PAM: variants seen among roughly 807,000 people sequenced by gnomAD.
The protein encoded by PAM is peptidyl-glycine alpha-amidating monooxygenase.
In PAM, 72 loss-of-function variants were observed where a neutral mutation model predicts 122.1. That is an observed-to-expected ratio of 0.59 (90% CI 0.49 to 0.72). PAM has a LOEUF of 0.72. PAM is among the 30% of genes least tolerant of loss of function. The pLI is 0.00. For missense variants in PAM, 1,106 were observed against 1,183.7 expected, an observed-to-expected ratio of 0.93 and a Z score of 0.96; for synonymous variants, 389 against 404.4, an observed-to-expected ratio of 0.96 and a Z score of 0.46.
At chr5:102,899,451 A>G (rs1561812294) in intron 3 of PAM, among the ~76,000 whole-genome samples, 1 of 151,710 alleles carries the variant, frequency 6.6e-6, no homozygotes, top group East Asian at 1.9e-4. Flanking sequence ...TCAAAGATAG[A>G]GTAAAATCGA....
At chr5:102,984,504 A>G (rs1582546979) in intron 15 of PAM, among the ~76,000 whole-genome samples, 1 of 152,352 alleles carries the variant, frequency 6.6e-6, no homozygotes, top group Non-Finnish European at 1.5e-5. Context: ...GATGATCATT[A>G]TATAATGACA....
chr5:102,938,136 T>G (rs959452946), intron 7 of PAM, among the ~76,000 whole-genome samples: 1 of 152,198 alleles, frequency 6.6e-6, no homozygotes, highest in Non-Finnish European at 1.5e-5. Context: ...ACCTCCCAAA[T>G]GATCTGAAAG....
intron 1 of PAM, among the ~76,000 whole-genome samples, chr5:102,791,758 C>A: frequency 6.6e-6 from 1 of 152,182 alleles, no homozygotes; most frequent in African/African-American, 2.4e-5. Context: ...CTTCTTTCAA[C>A]CCTGGGTTGA....
chr5:102,947,313 A>G (rs939201789), intron 8 of PAM, among the ~76,000 whole-genome samples: 8 of 152,214 alleles, frequency 5.3e-5, no homozygotes, highest in Non-Finnish European at 1.2e-4. Context: ...AAGAGAGGGC[A>G]TGCATGCAAG....
chr5:102,929,266 A>T (rs1383652056), intron 7 of PAM, among the ~76,000 whole-genome samples: 1 of 152,222 alleles, frequency 6.6e-6, no homozygotes, highest in Admixed American at 6.5e-5. Context: ...ATAGGAATGT[A>T]TTCTGCTTTC....
intron 1 of PAM, among the ~76,000 whole-genome samples, chr5:102,789,936 C>T (rs1370591924): frequency 6.6e-6 from 1 of 151,874 alleles, no homozygotes; most frequent in Non-Finnish European, 1.5e-5. Context: ...CATAAATATT[C>T]AGTAGTTATC....
chr5:102,880,631 C>T (rs528019550), intron 3 of PAM, among the ~76,000 whole-genome samples: 19 of 152,150 alleles, frequency 1.2e-4, no homozygotes, highest in African/African-American at 4.6e-4. Context: ...AGAGTAATGA[C>T]TCTTTAGTAG....
chr5:102,992,429 AT>A (rs1485502646), intron 16 of PAM, among the ~76,000 whole-genome samples: 1 of 152,042 alleles, frequency 6.6e-6, no homozygotes, highest in African/African-American at 2.4e-5. Flanking sequence ...TTGTAAAGAA[AT>A]TCTTTTCTGG....
chr5:102,865,637 C>G (rs1785324930), intron 1 of PAM, 186 bp from the exon 2 acceptor site: 1 of 151,406 alleles, frequency 6.6e-6, no homozygotes, highest in Non-Finnish European at 1.5e-5. Flanking sequence ...ACAGGGGCTG[C>G]GCCGTGGGGG....
chr5:102,958,577 C>T (rs1048777434), intron 12 of PAM, among the ~76,000 whole-genome samples: 1 of 152,084 alleles, frequency 6.6e-6, no homozygotes, highest in African/African-American at 2.4e-5. Flanking sequence ...CTTTGCACTT[C>T]ACTATTTGCT....
Position 102,949,906 on chromosome 5 carries a change from G to T in PAM, c.729G>T (p.Lys243Asn), listed in dbSNP as rs750728491. The T allele has an allele frequency of 6.5e-7, 1 of 1,533,032 alleles. No homozygotes were observed. The highest frequency in any genetic ancestry group is 1.7e-5 in the Admixed American group (1 of 59,554). 95.0% of individuals were successfully genotyped at this position (1,533,032 alleles called of 1,614,324 possible). The stretch of plus-strand genomic sequence containing the variant: ...TAAAATTTGTGTTTATTACAGGTAA[G>T]GTAGTAAGTGGATACAGAGTAAGAA... ...AYRVHTHHLG[K>N]VVSGYRVRNG... The change falls in exon 11 of 26, where the codon AAG (lysine) becomes AAT (asparagine). Residue 243 changes from lysine (K) to asparagine (N), a missense_variant. Physicochemically the swap from Lys to Asn is moderately conservative, Grantham distance 94. Transcript: ENST00000438793.
intron 14 of PAM, among the ~76,000 whole-genome samples, chr5:102,970,488 C>CTA (rs1285846978): frequency 6.6e-6 from 1 of 152,108 alleles, no homozygotes; most frequent in Non-Finnish European, 1.5e-5. Context: ...AGTCTCTCCC[C>CTA]ACCTCCACAA....
intron 25 of PAM, among the ~76,000 whole-genome samples, chr5:103,028,470 C>A (rs986933628): frequency 2.6e-5 from 4 of 152,164 alleles, no homozygotes; most frequent in African/African-American, 4.8e-5. Context: ...TTATCTAATT[C>A]TCTTCCCCTG....
chr5:102,983,793 G>C (rs1466127865), intron 15 of PAM, among the ~76,000 whole-genome samples: 1 of 152,064 alleles, frequency 6.6e-6, no homozygotes, highest in Non-Finnish European at 1.5e-5. Flanking sequence ...CAAGAGTAAA[G>C]CATCAAGTCA....
At chr5:102,987,892 G>C (rs184939007) in intron 15 of PAM, among the ~76,000 whole-genome samples, 1 of 152,234 alleles carries the variant, frequency 6.6e-6, no homozygotes, top group East Asian at 1.9e-4. Context: ...GAGTGACAAT[G>C]ACATTTTCAT....
rs1751802343 is a variant in PAM, at chr5:102,932,299, C to G, written c.526+5631C>G. ...GGTCAGGAGTTCAAGACCAGCCTGG[C>G]CAACATGGTGAAACCCTGTCTCTAC... On this transcript the variant is annotated intron_variant, in intron 7 of 25. Coordinates refer to ENST00000438793, the MANE Select transcript of PAM (RefSeq NM_001177306.2). Among the ~76,000 whole-genome samples the G allele has an allele frequency of 2.6e-5, 4 of 151,976 alleles. No homozygotes were observed. In the South Asian group the frequency reaches 8.3e-4, roughly 32 times the overall value.
intron 1 of PAM, among the ~76,000 whole-genome samples, chr5:102,814,626 G>A (rs555404288): frequency 1.7e-4 from 25 of 145,076 alleles, no homozygotes; most frequent in African/African-American, 6.1e-4. Context: ...TGTATATAGA[G>A]GATAACTTTC....
At chr5:102,770,695 T>C (rs1755507037) in intron 1 of PAM, among the ~76,000 whole-genome samples, 1 of 152,166 alleles carries the variant, frequency 6.6e-6, no homozygotes, top group Non-Finnish European at 1.5e-5. Flanking sequence ...AAATCTTCTG[T>C]GCATCCCTGG....
chr5:102,820,466 C>G (rs1349328499), intron 1 of PAM, among the ~76,000 whole-genome samples: 1 of 151,960 alleles, frequency 6.6e-6, no homozygotes, highest in Non-Finnish European at 1.5e-5. Flanking sequence ...TATGCTCACC[C>G]AATTTTAATG....
Sources: allele counts gnomAD v4.1 joint callset (sites outside exome capture counted in the v4.1 genomes callset), GRCh38; gene constraint gnomAD v4.1.1; transcripts MANE v1.5; gene names NCBI Gene and HGNC (gene_info 2026-07-23, HGNC 2026-07-21).